Variants in CEP112 observed in about 807,000 individuals in gnomAD.
The protein encoded by CEP112 is centrosomal protein of 112 kDa.
Under a neutral mutation model 153.0 loss-of-function variants are expected in CEP112, and 127 were observed. That is an observed-to-expected ratio of 0.83 (90% confidence interval 0.72 to 0.96). The LOEUF (loss-of-function observed/expected upper bound fraction) is 0.96. Ranked by LOEUF, CEP112 falls within the 40% of genes least tolerant of loss-of-function variation. The pLI is 0.00. For synonymous variants in CEP112, 358 were observed against 374.4 expected (o/e 0.96, Z 0.51); for missense variants, 1,089 against 1,101.2 (o/e 0.99, Z 0.16).
At chr17:66,188,624 A>G (rs1314407499) in intron 1 of CEP112, among the ~76,000 whole-genome samples, 1 of 150,560 alleles carries the variant, frequency 6.6e-6, no homozygotes, top group African/African-American at 2.4e-5. Context: ...TATTATGCAT[A>G]CATCTTCCAT....
At chr17:66,109,704 A>T (rs1326734806) in intron 6 of CEP112, among the ~76,000 whole-genome samples, 1 of 152,236 alleles carries the variant, frequency 6.6e-6, no homozygotes, top group Non-Finnish European at 1.5e-5. Context: ...TCAATTCTTA[A>T]GTTGATCTAG....
chr17:66,002,302 T>G (rs2145408833), intron 17 of CEP112, among the ~76,000 whole-genome samples: 1 of 152,280 alleles, frequency 6.6e-6, no homozygotes, highest in African/African-American at 2.4e-5. Context: ...GCCACTCAAC[T>G]TTTCCATTAA....
intron 8 of CEP112, among the ~76,000 whole-genome samples, chr17:66,070,348 T>C (rs1212608404): frequency 5.3e-5 from 8 of 152,212 alleles, no homozygotes; most frequent in Non-Finnish European, 1.2e-4. Context: ...TATTTTACTC[T>C]TCATTATTTT....
At chr17:65,890,704 T>C (rs1217779640) in intron 20 of CEP112, among the ~76,000 whole-genome samples, 1 of 152,200 alleles carries the variant, frequency 6.6e-6, no homozygotes, top group Non-Finnish European at 1.5e-5. Context: ...TCAATGTTTC[T>C]AGACAGTAGA....
intron 21 of CEP112, among the ~76,000 whole-genome samples, chr17:65,832,555 T>G (rs1299225147): frequency 2.0e-5 from 3 of 151,780 alleles, no homozygotes; most frequent in African/African-American, 4.8e-5. Context: ...AAAATAACCA[T>G]CAGAAACTCC....
At chr17:65,965,641 G>A (rs2062386172) in intron 17 of CEP112, among the ~76,000 whole-genome samples, 1 of 150,488 alleles carries the variant, frequency 6.6e-6, no homozygotes, top group Non-Finnish European at 1.5e-5. Context: ...TCCCACCTCA[G>A]CCTCTGGGTA....
At position 65,660,174 on chromosome 17, in the gene CEP112, T is replaced by TTCC. The variant is rs1233025472; in HGVS notation, c.2698-19110_2698-19109insGGA. Among the ~76,000 whole-genome samples the TTCC allele has an allele frequency of 5.1e-3, 763 of 148,860 alleles. 1 individual carries two copies. The highest frequency in any genetic ancestry group is 0.019 in the African/African-American group (739 of 39,526). On this transcript the variant is annotated intron_variant, in intron 24 of 26. Transcript: ENST00000535342. ...CTGATTGGAGACTAATATACCTTGATTTCTCCTTCCTTCCTTCCTTCCTTC... is the reference window on the plus strand; with the variant it reads ...CTGATTGGAGACTAATATACCTTGATTCCTTCTCCTTCCTTCCTTCCTTCCTTC...
Position 65,838,539 on chromosome 17 carries a change from C to T in CEP112, c.2394+13265G>A, listed in dbSNP as rs151236761. ...GGAATTTTATAACAATAAATGCCTA[C>T]ATCAGAAAAGCAGAAAGCCATCAAA... On this transcript the variant is annotated intron_variant, in intron 21 of 26. Transcript: ENST00000535342. 8.3e-3 allele frequency among the ~76,000 whole-genome samples: 1,256 copies of T among 152,050 alleles called. 14 individuals are homozygous for T. Among genetic ancestry groups the T allele is most frequent in the South Asian group, 0.02 (97 of 4,830 alleles).
intron 16 of CEP112, among the ~76,000 whole-genome samples, chr17:66,020,614 G>A (rs2064965426): frequency 6.6e-6 from 1 of 152,138 alleles, no homozygotes; most frequent in South Asian, 2.1e-4. Flanking sequence ...TAACTTGTAT[G>A]TATTCTAAAT....
intron 4 of CEP112, among the ~76,000 whole-genome samples, chr17:66,138,721 C>A: frequency 6.6e-6 from 1 of 151,754 alleles, no homozygotes; most frequent in Non-Finnish European, 1.5e-5. Flanking sequence ...AAAAAAGAAT[C>A]AAAGCAAACC....
intron 18 of CEP112, among the ~76,000 whole-genome samples, chr17:65,948,936 C>T (rs1438057998): frequency 1.3e-5 from 2 of 152,166 alleles, no homozygotes; most frequent in Non-Finnish European, 2.9e-5. Flanking sequence ...CCCTACAGCT[C>T]TGCTGGCTTT....
chr17:65,924,375 A>G (rs1408104112), intron 19 of CEP112, among the ~76,000 whole-genome samples: 1 of 152,174 alleles, frequency 6.6e-6, no homozygotes, highest in Non-Finnish European at 1.5e-5. Flanking sequence ...TTGCACATGT[A>G]TAAGTATTTC....
At chr17:65,714,701 TG>T (rs763445775) in intron 23 of CEP112, among the ~76,000 whole-genome samples, 39 of 152,210 alleles carry the variant, frequency 2.6e-4, no homozygotes, top group Non-Finnish European at 5.3e-4. Context: ...TATTATTATT[TG>T]GAATTGATGC....
At chr17:65,875,550 TTA>T (rs2058800061) in intron 20 of CEP112, among the ~76,000 whole-genome samples, 1 of 152,160 alleles carries the variant, frequency 6.6e-6, no homozygotes, top group African/African-American at 2.4e-5. Flanking sequence ...TAAAAAATAT[TTA>T]GTTTACTTAC....
At chr17:65,899,455 T>C (rs1228403360) in intron 20 of CEP112, among the ~76,000 whole-genome samples, 1 of 152,176 alleles carries the variant, frequency 6.6e-6, no homozygotes. Flanking sequence ...TTGTTCTTGG[T>C]GCATTTCTAT....
At chr17:65,800,700 G>C (rs2055216381) in intron 21 of CEP112, among the ~76,000 whole-genome samples, 1 of 152,274 alleles carries the variant, frequency 6.6e-6, no homozygotes, top group African/African-American at 2.4e-5. Context: ...TTTCTAAAGT[G>C]GTTGGGCTGT....
chr17:66,118,218 T>C (rs1352238905), intron 6 of CEP112, among the ~76,000 whole-genome samples: 4 of 152,300 alleles, frequency 2.6e-5, no homozygotes, highest in South Asian at 2.1e-4. Context: ...AGTGCTGTAG[T>C]AAACATGGGA....
At chr17:65,970,460 GCACA>G (rs1568314571) in intron 17 of CEP112, among the ~76,000 whole-genome samples, 1 of 51,096 alleles carries the variant, frequency 2.0e-5, no homozygotes, top group African/African-American at 6.1e-5. Flanking sequence ...TTACATGCAT[GCACA>G]CATGCATGTA....
At chr17:65,923,688 T>TA (rs2060814885) in intron 19 of CEP112, among the ~76,000 whole-genome samples, 1 of 152,218 alleles carries the variant, frequency 6.6e-6, no homozygotes, top group East Asian at 1.9e-4. Flanking sequence ...AAGTTTTATT[T>TA]AGAGCATACA....
Sources: allele counts gnomAD v4.1 joint callset (sites outside exome capture counted in the v4.1 genomes callset), GRCh38; gene constraint gnomAD v4.1.1; transcripts MANE v1.5; gene names NCBI Gene and HGNC (gene_info 2026-07-23, HGNC 2026-07-21).